The following SLC24A3 variants were observed in gnomAD, a reference collection of about 807,000 sequenced individuals.
SLC24A3 encodes the protein sodium/potassium/calcium exchanger 3.
Under a neutral mutation model 75.8 loss-of-function variants are expected in SLC24A3, and 28 were observed. The ratio of observed to expected loss-of-function variants is 0.37; its 90% confidence interval spans 0.27 to 0.51. SLC24A3 has a LOEUF of 0.51. Among genes scored for constraint, SLC24A3 ranks in the 20% least tolerant of loss-of-function variants. The pLI is 0.94. For missense variants in SLC24A3, 663 were observed against 847.8 expected (o/e 0.78, Z 2.71); for synonymous variants, 372 against 334.1 (o/e 1.11, Z -1.24).
chr20:19,431,842 G>A (rs1987109133), intron 2 of SLC24A3, among the ~76,000 whole-genome samples: 1 of 151,958 alleles, frequency 6.6e-6, no homozygotes, highest in Admixed American at 6.6e-5. Context: ...GCTGTTATCA[G>A]CACCGAGAAA....
At chr20:19,432,389 G>C (rs943181398) in intron 2 of SLC24A3, among the ~76,000 whole-genome samples, 2 of 151,222 alleles carry the variant, frequency 1.3e-5, no homozygotes, top group Admixed American at 1.3e-4. Context: ...AAGAAAAAAT[G>C]CCTGATTAAT....
intron 1 of SLC24A3, among the ~76,000 whole-genome samples, chr20:19,239,549 C>G (rs1027881739): frequency 6.6e-6 from 1 of 152,208 alleles, no homozygotes; most frequent in African/African-American, 2.4e-5. Context: ...GTTAGCCCAT[C>G]AGAGGATGGT....
intron 12 of SLC24A3, 104 bp from the exon 13 acceptor site, chr20:19,693,155 C>A: frequency 8.0e-7 from 1 of 1,242,962 alleles, no homozygotes; most frequent in African/African-American, 1.5e-5. Context: ...AGGTTTAATT[C>A]TGGGGAAAGC....
intron 2 of SLC24A3, among the ~76,000 whole-genome samples, chr20:19,352,571 G>T (rs1025144380): frequency 5.9e-5 from 9 of 152,158 alleles, no homozygotes; most frequent in African/African-American, 2.2e-4. Flanking sequence ...GAGCCTCAGG[G>T]ATTCAGGAAC....
chr20:19,352,514 G>A (rs1985593487), intron 2 of SLC24A3, among the ~76,000 whole-genome samples: 1 of 152,152 alleles, frequency 6.6e-6, no homozygotes, highest in South Asian at 2.1e-4. Flanking sequence ...TATTGAAACA[G>A]CCCTTAAACA....
intron 1 of SLC24A3, among the ~76,000 whole-genome samples, chr20:19,263,046 TG>T (rs1171133932): frequency 6.6e-6 from 1 of 151,222 alleles, no homozygotes; most frequent in East Asian, 2.0e-4. Flanking sequence ...TGTGTGTGTG[TG>T]TGTGTGTGTG....
At chr20:19,395,533 G>A (rs1394145813) in intron 2 of SLC24A3, among the ~76,000 whole-genome samples, 1 of 152,200 alleles carries the variant, frequency 6.6e-6, no homozygotes, top group East Asian at 1.9e-4. Context: ...TGACAGTTCT[G>A]TAGGCATGTA....
At chr20:19,715,177 C>A (rs1200950535) in intron 15 of SLC24A3, among the ~76,000 whole-genome samples, 1 of 152,206 alleles carries the variant, frequency 6.6e-6, no homozygotes, top group African/African-American at 2.4e-5. Context: ...TCAACATTGA[C>A]CAGAACACAG....
chr20:19,707,169 T>C (rs1305199503), intron 15 of SLC24A3, among the ~76,000 whole-genome samples: 1 of 152,172 alleles, frequency 6.6e-6, no homozygotes, highest in Non-Finnish European at 1.5e-5. Flanking sequence ...TCAGGTCAGC[T>C]AACACCATTG....
chr20:19,539,038 T>G (rs1172934067), intron 3 of SLC24A3, among the ~76,000 whole-genome samples: 1 of 152,164 alleles, frequency 6.6e-6, no homozygotes, highest in East Asian at 1.9e-4. Flanking sequence ...TATATTAAGG[T>G]ACAAAAGCAG....
chr20:19,411,674 T>C (rs547642889), intron 2 of SLC24A3, among the ~76,000 whole-genome samples: 31 of 152,328 alleles, frequency 2.0e-4, no homozygotes, highest in African/African-American at 7.2e-4. Flanking sequence ...GAGGGTCTCA[T>C]TGGCTTCCCC....
intron 6 of SLC24A3, among the ~76,000 whole-genome samples, chr20:19,648,663 G>T (rs1568684587): frequency 6.6e-6 from 1 of 151,974 alleles, no homozygotes; most frequent in East Asian, 1.9e-4. Flanking sequence ...TCTGTACACA[G>T]AAAATATATG....
chr20:19,440,366 G>A (rs1436423737), intron 2 of SLC24A3, among the ~76,000 whole-genome samples: 2 of 152,238 alleles, frequency 1.3e-5, no homozygotes, highest in African/African-American at 2.4e-5. Flanking sequence ...CAGCTGGGGA[G>A]AGAGAATGGG....
chr20:19,309,612 T>G (rs1372613800), intron 2 of SLC24A3, among the ~76,000 whole-genome samples: 1 of 152,190 alleles, frequency 6.6e-6, no homozygotes, highest in African/African-American at 2.4e-5. Flanking sequence ...TTTTCTCCTC[T>G]TTGGGAGGGA....
At chr20:19,607,476 CAGG>C (rs993824491) in intron 6 of SLC24A3, among the ~76,000 whole-genome samples, 16 of 152,310 alleles carry the variant, frequency 1.1e-4, no homozygotes, top group African/African-American at 2.6e-4. Context: ...CCTTCTGAGG[CAGG>C]CTCCAATTGG....
chr20:19,572,676 A>G (rs1478297412), intron 3 of SLC24A3, among the ~76,000 whole-genome samples: 2 of 152,196 alleles, frequency 1.3e-5, no homozygotes, highest in African/African-American at 4.8e-5. Flanking sequence ...CTTCTGCTAC[A>G]TTCCTCTTCC....
chr20:19,448,237 G>C (rs1464676980), intron 2 of SLC24A3, among the ~76,000 whole-genome samples: 1 of 152,168 alleles, frequency 6.6e-6, no homozygotes, highest in East Asian at 1.9e-4. Context: ...CATGATCTGC[G>C]ATTATTTTCG....
At chr20:19,325,196 G>A (rs1349594633) in intron 2 of SLC24A3, among the ~76,000 whole-genome samples, 4 of 151,936 alleles carry the variant, frequency 2.6e-5, no homozygotes. Context: ...GGGAGGCTGA[G>A]ACAAGGGGAT....
rs530668145 is a variant in SLC24A3 at position 19,382,792 on chromosome 20, G to C, written c.271+101705G>C. ...ACATGGCATATTGGGGTTTGAAGAG[G>C]ATTCAAGCAGGAGGTTGTTTGGTTG... On this transcript the variant is annotated intron_variant, in intron 2 of 16. Coordinates refer to ENST00000328041, the MANE Select transcript of SLC24A3 (RefSeq NM_020689.4). Among the ~76,000 whole-genome samples the C allele has an allele frequency of 4.6e-4, 70 of 152,244 alleles. 1 individual carries two copies. Among genetic ancestry groups the C allele is most frequent in the Admixed American group, 1.0e-3 (16 of 15,296 alleles).
Sources: gnomAD v4.1 joint callset for allele counts (sites outside exome capture counted in the v4.1 genomes callset) on GRCh38, gnomAD v4.1.1 for gene constraint, MANE v1.5 for transcripts, NCBI Gene and HGNC (gene_info 2026-07-23, HGNC 2026-07-21) for gene names.